Variants in SLC6A15 observed in about 807,000 individuals in gnomAD.
SLC6A15 encodes sodium-dependent neutral amino acid transporter B(0)AT2.
A neutral mutation model predicts 68.5 loss-of-function variants in SLC6A15; 33 were observed. The ratio of observed to expected loss-of-function variants is 0.48; its 90% CI spans 0.37 to 0.64. The LOEUF is 0.64. Ranked by LOEUF, SLC6A15 falls within the 30% of genes least tolerant of loss-of-function variation. The pLI is 0.00. For missense variants in SLC6A15, 747 were observed against 874.3 expected, an observed-to-expected ratio of 0.85 and a Z score of 1.84; for synonymous variants, 347 against 301.0, an observed-to-expected ratio of 1.15 and a Z score of -1.58.
intron 6 of SLC6A15, among the ~76,000 whole-genome samples, chr12:84,875,961 A>T (rs989174161): frequency 1.3e-5 from 2 of 151,712 alleles, no homozygotes; most frequent in African/African-American, 4.8e-5. Flanking sequence ...CCTCAAAAAA[A>T]TTAACTAAGA....
intron 5 of SLC6A15, among the ~76,000 whole-genome samples, chr12:84,879,551 T>C (rs115539245): frequency 0.041 from 6,210 of 151,634 alleles, 436 homozygotes; most frequent in African/African-American, 0.14. Context: ...GTCTCAAACT[T>C]GTGAGCTCAG....
chr12:84,861,854 A>G lies in SLC6A15; in HGVS notation c.1971T>C (p.Tyr657=). The G allele has an allele frequency of 6.2e-7, 1 of 1,613,794 alleles. No homozygotes were observed. The highest frequency in any genetic ancestry group is 8.5e-7 in the Non-Finnish European group (1 of 1,179,892). ...DSSGNLASVT[Y]KRGRVLKEPV... is the part of the protein sequence containing the mutation. ...GCTCTTTCAGGACCCTTCCTCTCTT[A>G]TAGGTCACAGATGCTAAATTACCAG... The change falls in exon 12 of 12, where the codon TAT becomes TAC. Residue 657 remains tyrosine (Y), a synonymous_variant. Coordinates refer to ENST00000266682, the MANE Select transcript of SLC6A15 (RefSeq NM_182767.6).
At chr12:84,882,040 A>G (rs1592601708) in intron 5 of SLC6A15, 1 of 984,224 alleles carries the variant, frequency 1.0e-6, no homozygotes, top group Non-Finnish European at 1.2e-6. Context: ...AATTTACACT[A>G]CATGACATGA....
chr12:84,884,284 TTTTA>T (rs1189198085), intron 4 of SLC6A15, among the ~76,000 whole-genome samples: 2 of 152,042 alleles, frequency 1.3e-5, no homozygotes, highest in Non-Finnish European at 2.9e-5. Flanking sequence ...TCAAAGTAAT[TTTTA>T]TTTATTTATT....
chr12:84,883,550 T>A, intron 5 of SLC6A15: 1 of 1,321,704 alleles, frequency 7.6e-7, no homozygotes, highest in South Asian at 2.1e-5. Flanking sequence ...ATTAGAGAAC[T>A]GAAACATTAG....
At position 84,870,659 on chromosome 12, in the gene SLC6A15, C is replaced by A; in HGVS notation, c.1314G>T (p.Gly438=). The change falls in exon 9 of 12, where the codon GGG becomes GGT. Residue 438 remains glycine, a synonymous_variant. Transcript: ENST00000266682. The stretch of plus-strand genomic sequence containing the variant: ...TAAAGGCAATAAAAGCTAAGCCGGT[C>A]CCCTGAACAGCCTGCAAAATACACA... ...IEEELNKAVQ[G]TGLAFIAFTE... 1 of 1,608,084 alleles carries A rather than the reference C, an allele frequency of 6.2e-7. No homozygotes were observed.
At chr12:84,866,929 G>A (rs543993801) in intron 10 of SLC6A15, 105 bp downstream of exon 10, 7 of 1,016,028 alleles carry the variant, frequency 6.9e-6, no homozygotes, top group Non-Finnish European at 9.6e-6. Flanking sequence ...TTAAAGAATT[G>A]TTCCCTCTAT....
chr12:84,876,932 A>G (rs1307148177), intron 5 of SLC6A15, among the ~76,000 whole-genome samples: 3 of 152,192 alleles, frequency 2.0e-5, no homozygotes, highest in Non-Finnish European at 4.4e-5. Context: ...GGCACTAACT[A>G]CCTAATGAAT....
intron 2 of SLC6A15, among the ~76,000 whole-genome samples, chr12:84,886,746 G>A (rs1171749184): frequency 3.9e-5 from 6 of 152,078 alleles, no homozygotes; most frequent in Non-Finnish European, 8.8e-5. Flanking sequence ...AATATCTATT[G>A]TAAAAATGTA....
At chr12:84,900,809 CT>C (rs1338567271) in intron 1 of SLC6A15, among the ~76,000 whole-genome samples, 4 of 151,250 alleles carry the variant, frequency 2.6e-5, no homozygotes, top group African/African-American at 7.3e-5. Context: ...AGATGAATTA[CT>C]TTTTAATATA....
intron 1 of SLC6A15, among the ~76,000 whole-genome samples, chr12:84,900,419 C>T (rs1872809233): frequency 1.3e-5 from 2 of 151,888 alleles, no homozygotes; most frequent in South Asian, 4.2e-4. Context: ...ATTTAACTTT[C>T]ATTTTTATAA....
At chr12:84,904,795 T>C (rs1873060963) in intron 1 of SLC6A15, among the ~76,000 whole-genome samples, 1 of 152,138 alleles carries the variant, frequency 6.6e-6, no homozygotes. Context: ...GAGAGAATAC[T>C]AACAAAAACT....
chr12:84,904,076 A>G (rs1160119089), intron 1 of SLC6A15, among the ~76,000 whole-genome samples: 1 of 152,008 alleles, frequency 6.6e-6, no homozygotes. Context: ...CAGTGAAACT[A>G]TGCAAGTTCC....
intron 2 of SLC6A15, among the ~76,000 whole-genome samples, chr12:84,886,936 T>G (rs1872135934): frequency 6.7e-6 from 1 of 149,732 alleles, no homozygotes; most frequent in Admixed American, 6.6e-5. Context: ...CTTTACTCAT[T>G]TCTTTGTGTC....
Position 84,870,555 on chromosome 12 carries a change from C to A in SLC6A15, c.1418G>T (p.Gly473Val). ...CCCTTCAATGGTTCCAAACATACTG[C>A]CAAGGCCTAGATTGACCAGCATGAG... ...FFLMLVNLGL[G>V]SMFGTIEGIV... The change falls in exon 9 of 12, where the codon GGC becomes GTC. Residue 473 changes from glycine to valine, a missense_variant. Gly to Val is a moderately radical substitution (Grantham distance 109). Coordinates refer to ENST00000266682, the MANE Select transcript of SLC6A15 (RefSeq NM_182767.6). The A allele has an allele frequency of 6.2e-7, 1 of 1,610,324 alleles. No homozygotes were observed. Among genetic ancestry groups the A allele is most frequent in the Non-Finnish European group, 8.5e-7 (1 of 1,178,092 alleles).
chr12:84,873,164 A>G lies in SLC6A15; in HGVS notation c.1032T>C (p.Thr344=). Residue 344 remains threonine, a synonymous_variant, in exon 7 of 12, where the codon ACT becomes ACC. Coordinates refer to ENST00000266682, the MANE Select transcript of SLC6A15 (RefSeq NM_182767.6). The part of the protein sequence containing the change: ...AVLVSFINFF[T]SVLATLVVFA... ...ACACCACCAATGTTGCCAGGACAGA[A>G]GTGAAAAAATTGATGAAGGACACCA... The G allele has an allele frequency of 6.2e-7, 1 of 1,614,080 alleles. No individual in the cohort carries two copies. Among genetic ancestry groups the G allele is most frequent in the Non-Finnish European group, 8.5e-7 (1 of 1,179,982 alleles).
chr12:84,883,173 T>C (rs1004540595), intron 5 of SLC6A15: 1 of 966,920 alleles, frequency 1.0e-6, no homozygotes, highest in Admixed American at 6.3e-5. Flanking sequence ...AAAAAAGTAA[T>C]ACGAAAGCAA....
At chr12:84,875,787 C>G (rs2924138) in intron 6 of SLC6A15, among the ~76,000 whole-genome samples, 109,525 of 109,526 alleles carry the variant, frequency 1, 54,762 homozygotes, top group Non-Finnish European at 1. Context: ...AGTGGGCCCA[C>G]CGTTGAGTTT....
rs187172490 is a variant in SLC6A15 at position 84,896,989 on chromosome 12, G to A, written c.-188-4681C>T. On this transcript the variant is annotated intron_variant, in intron 1 of 11. Coordinates refer to ENST00000266682, the MANE Select transcript of SLC6A15 (RefSeq NM_182767.6). The stretch of plus-strand genomic sequence containing the variant: ...GTGGATCACTTGAGGCCAGGAGTTC[G>A]AGGCCATACTGGCCAATATGGTGAA... 2.6e-3 allele frequency among the ~76,000 whole-genome samples: 389 copies of A among 152,192 alleles called. 2 individuals are homozygous for A. The highest frequency in any genetic ancestry group is 4.3e-3 in the Non-Finnish European group (290 of 68,006).
Sources: allele counts gnomAD v4.1 joint callset (sites outside exome capture counted in the v4.1 genomes callset), GRCh38; gene constraint gnomAD v4.1.1; transcripts MANE v1.5; gene names NCBI Gene and HGNC (gene_info 2026-07-23, HGNC 2026-07-21).